CDH18: variants seen among roughly 807,000 people sequenced by gnomAD.
CDH18 encodes the protein cadherin 18.
In CDH18, 31 loss-of-function variants were observed where a neutral mutation model predicts 67.9. The observed-to-expected ratio is 0.46, with a 90% CI of 0.34 to 0.62. The LOEUF is 0.62. CDH18 is among the 20% of genes least tolerant of loss of function. The pLI is 0.01. For synonymous variants in CDH18, 362 were observed against 347.2 expected (o/e 1.04, Z -0.48); for missense variants, 890 against 975.5 (o/e 0.91, Z 1.17).
chr5:19,577,976 G>C (rs142655343), intron 7 of CDH18, among the ~76,000 whole-genome samples: 341 of 152,286 alleles, frequency 2.2e-3, no homozygotes, highest in African/African-American at 7.9e-3. Context: ...GAGGCAGAGA[G>C]AGGAGTGATG....
intron 3 of CDH18, among the ~76,000 whole-genome samples, chr5:19,754,884 G>A (rs569459988): frequency 6.6e-6 from 1 of 152,076 alleles, no homozygotes; most frequent in Non-Finnish European, 1.5e-5. Flanking sequence ...CAAATACATG[G>A]AAATTAAATA....
intron 2 of CDH18, among the ~76,000 whole-genome samples, chr5:19,925,811 G>T (rs77458768): frequency 0.037 from 5,622 of 152,172 alleles, 252 homozygotes; most frequent in African/African-American, 0.1. Context: ...ACAGGAAGTG[G>T]CTCTGAAATT....
At chr5:20,227,028 A>G (rs1289279720) in intron 2 of CDH18, among the ~76,000 whole-genome samples, 2 of 152,076 alleles carry the variant, frequency 1.3e-5, no homozygotes, top group East Asian at 1.9e-4. Context: ...TATTTTCTCC[A>G]TACACAATAG....
Position 19,527,460 on chromosome 5 carries a change from TA to T in CDH18, c.1391-6683del, listed in dbSNP as rs562541922. Among the ~76,000 whole-genome samples the T allele has an allele frequency of 2.6e-4, 39 of 151,426 alleles. 2 individuals carry two copies. The highest frequency in any genetic ancestry group is 1.7e-3 in the South Asian group (8 of 4,822). On this transcript the variant is annotated intron_variant, in intron 9 of 12. Transcript: ENST00000382275. Reference sequence around the variant, plus strand: ...TTTAAATATATTATTTAAATATCAGTAAAAAAAATCAAATATTGTATTCAAA... The same window carrying T: ...TTTAAATATATTATTTAAATATCAGTAAAAAAATCAAATATTGTATTCAAA...
Position 19,815,545 on chromosome 5 carries a change from A to G in CDH18, c.228+23214T>C, listed in dbSNP as rs537448661. On this transcript the variant is annotated intron_variant, in intron 3 of 12. Coordinates refer to ENST00000382275, the MANE Select transcript of CDH18 (RefSeq NM_004934.5). ...ATTCATTTCTTTAATTTGAAAATAC[A>G]TATTAAATATCTTCATATTAAAAAA... is the stretch of plus-strand genomic sequence containing the variant. Among the ~76,000 whole-genome samples the G allele has an allele frequency of 1.9e-4, 27 of 143,964 alleles. No individual in the cohort carries two copies. In the East Asian group the frequency reaches 2.0e-3, roughly 11 times the overall value. The allele number at this position is 143,964 out of a possible 152,430, so 94.4% of individuals were successfully genotyped here. A position where few individuals can be genotyped will look rare whatever the true frequency, so the allele number is the denominator to read the frequency against.
intron 5 of CDH18, among the ~76,000 whole-genome samples, chr5:19,624,465 A>C (rs1751204115): frequency 6.6e-6 from 1 of 152,212 alleles, no homozygotes. Flanking sequence ...GCAGCACTGA[A>C]GTAAACACAT....
chr5:20,352,563 G>C, intron 1 of CDH18, among the ~76,000 whole-genome samples: 1 of 148,612 alleles, frequency 6.7e-6, no homozygotes, highest in South Asian at 2.1e-4. Context: ...GGCGGATCAA[G>C]AGGTCAGGAG....
At chr5:20,515,310 A>T (rs1348673659) in intron 1 of CDH18, among the ~76,000 whole-genome samples, 1 of 150,998 alleles carries the variant, frequency 6.6e-6, no homozygotes, top group Non-Finnish European at 1.5e-5. Flanking sequence ...AGAGTAATAA[A>T]AAAAAAAAAA....
chr5:20,499,389 T>A (rs1411058807), intron 1 of CDH18, among the ~76,000 whole-genome samples: 1 of 152,122 alleles, frequency 6.6e-6, no homozygotes, highest in Admixed American at 6.6e-5. Flanking sequence ...GTATTGTTAT[T>A]GTTATTTTTT....
chr5:20,047,761 T>C (rs535752069), intron 2 of CDH18, among the ~76,000 whole-genome samples: 5 of 151,816 alleles, frequency 3.3e-5, no homozygotes, highest in Non-Finnish European at 5.9e-5. Flanking sequence ...TGAAAAGTCC[T>C]GTTTCCACGT....
intron 1 of CDH18, among the ~76,000 whole-genome samples, chr5:20,381,848 T>C (rs940283189): frequency 2.0e-5 from 3 of 152,136 alleles, no homozygotes; most frequent in Non-Finnish European, 4.4e-5. Flanking sequence ...AAAATATTTT[T>C]ACGGATTAGC....
intron 1 of CDH18, among the ~76,000 whole-genome samples, chr5:20,457,263 G>A (rs1194533632): frequency 6.6e-6 from 1 of 152,140 alleles, no homozygotes; most frequent in Non-Finnish European, 1.5e-5. Context: ...ATGTTAAAAA[G>A]AGGATAAAAA....
At chr5:20,166,655 T>C (rs1045265375) in intron 2 of CDH18, among the ~76,000 whole-genome samples, 1 of 152,086 alleles carries the variant, frequency 6.6e-6, no homozygotes. Context: ...GCCAAGAACC[T>C]GCACTTTTAA....
At chr5:20,543,763 T>C (rs1451383918) in intron 1 of CDH18, among the ~76,000 whole-genome samples, 1 of 152,162 alleles carries the variant, frequency 6.6e-6, no homozygotes, top group African/African-American at 2.4e-5. Context: ...TCTTAAAAAT[T>C]AAATAACTAA....
At chr5:19,911,061 A>G (rs1389862679) in intron 2 of CDH18, among the ~76,000 whole-genome samples, 1 of 152,114 alleles carries the variant, frequency 6.6e-6, no homozygotes, top group Non-Finnish European at 1.5e-5. Flanking sequence ...TGTAAGCAAT[A>G]GGAAACTGAA....
intron 1 of CDH18, chr5:20,305,026 G>A (rs1279779745): frequency 2.5e-6 from 4 of 1,611,276 alleles, no homozygotes; most frequent in East Asian, 4.5e-5. Flanking sequence ...AAGGCCAGAG[G>A]AGGAGGGCTG....
At chr5:20,297,938 GA>G (rs1747666168) in intron 1 of CDH18, among the ~76,000 whole-genome samples, 1 of 152,112 alleles carries the variant, frequency 6.6e-6, no homozygotes, top group South Asian at 2.1e-4. Context: ...TATGCTACTT[GA>G]CAATACCTGT....
intron 3 of CDH18, among the ~76,000 whole-genome samples, chr5:19,829,847 A>G (rs1734939499): frequency 6.6e-6 from 1 of 152,210 alleles, no homozygotes; most frequent in Non-Finnish European, 1.5e-5. Context: ...GGACCAAAAG[A>G]TCAAGGGAAC....
At chr5:19,604,406 A>G (rs1022781530) in intron 6 of CDH18, among the ~76,000 whole-genome samples, 4 of 152,024 alleles carry the variant, frequency 2.6e-5, no homozygotes, top group African/African-American at 9.7e-5. Flanking sequence ...GTTAGAAACT[A>G]TGATGTCTGA....
Sources: allele counts gnomAD v4.1 joint callset (sites outside exome capture counted in the v4.1 genomes callset), GRCh38; gene constraint gnomAD v4.1.1; transcripts MANE v1.5; gene names NCBI Gene and HGNC (gene_info 2026-07-23, HGNC 2026-07-21).